ANKRD42: variants seen among roughly 807,000 people sequenced by gnomAD.
ANKRD42 encodes ankyrin repeat domain 42.
Under a neutral mutation model 51.5 loss-of-function variants are expected in ANKRD42, and 43 were observed. That is an observed-to-expected ratio of 0.83 (90% CI 0.65 to 1.08). ANKRD42 has a LOEUF of 1.08. ANKRD42 is among the 50% of genes least tolerant of loss of function. The pLI is 0.00. For missense variants in ANKRD42, 608 were observed against 629.3 expected (o/e 0.97, Z 0.36); for synonymous variants, 203 against 213.0 (o/e 0.95, Z 0.41).
intron 5 of ANKRD42, among the ~76,000 whole-genome samples, chr11:83,221,722 T>A (rs1431432100): frequency 6.6e-6 from 1 of 152,178 alleles, no homozygotes; most frequent in Non-Finnish European, 1.5e-5. Flanking sequence ...TGGGAATGCT[T>A]GCTAGCAGTT....
At chr11:83,210,101 T>C (rs1565180271) in intron 3 of ANKRD42, 199 bp from the exon 4 acceptor site, 7 of 480,354 alleles carry the variant, frequency 1.5e-5, no homozygotes, top group Non-Finnish European at 2.5e-5. Flanking sequence ...AGGAAGTTTT[T>C]GTAATCTAAA....
rs756024905 is a variant in ANKRD42 at position 83,224,853 on chromosome 11, A to G, written c.587-2A>G. The stretch of plus-strand genomic sequence containing the variant: ...AAATTAATTTTTTTTCCTTTCCTCT[A>G]GTTCACTTAGCAGCCATGGAAGGCC... On this transcript the variant is annotated splice_acceptor_variant, in intron 5 of 10. Transcript: ENST00000533342. LOFTEE classifies it high-confidence loss of function. 1.6e-5 allele frequency: 26 copies of G among 1,583,106 alleles called. No homozygotes were observed. The highest frequency in any genetic ancestry group is 2.1e-5 in the Non-Finnish European group (25 of 1,164,614).
intron 1 of ANKRD42, among the ~76,000 whole-genome samples, chr11:83,195,971 G>T (rs781669901): frequency 6.6e-6 from 1 of 151,196 alleles, no homozygotes; most frequent in South Asian, 2.1e-4. Context: ...TCAGCCTCCC[G>T]AGTAGCTAGG....
chr11:83,254,323 T>G (rs1356478847), intron 11 of ANKRD42, among the ~76,000 whole-genome samples: 6 of 152,072 alleles, frequency 3.9e-5, no homozygotes. Context: ...ATTGGCTACA[T>G]CTGACAAGTA....
intron 5 of ANKRD42, among the ~76,000 whole-genome samples, chr11:83,224,354 A>G (rs1415265328): frequency 2.6e-5 from 4 of 152,174 alleles, no homozygotes; most frequent in East Asian, 1.9e-4. Flanking sequence ...TATAAACTGC[A>G]TAATTGGGAT....
Position 83,194,683 on chromosome 11 carries a change from G to C in ANKRD42, c.13G>C (p.Ala5Pro). The C allele has an allele frequency of 1.2e-6, 2 of 1,613,240 alleles. No individual in the cohort carries two copies. The highest frequency in any genetic ancestry group is 1.7e-6 in the Non-Finnish European group (2 of 1,179,692). ...GAGGTGTTGCGCCATGCCCGGGGTGGCCAATTCAGGCCCCTCCACTTCCTC... is the reference window on the plus strand; with the variant it reads ...GAGGTGTTGCGCCATGCCCGGGGTGCCCAATTCAGGCCCCTCCACTTCCTC... MPGV[A>P]NSGPSTSSRE... Residue 5 changes from alanine to proline, a missense_variant, in exon 1 of 11, where the codon GCC becomes CCC. By Grantham distance (27) the Ala-to-Pro change is conservative. Transcript: ENST00000533342.
chr11:83,260,902 T>A (rs1042936638), downstream of ANKRD42: 2 of 152,206 alleles, frequency 1.3e-5, no homozygotes, highest in African/African-American at 4.8e-5. Flanking sequence ...GTTTGCTGAA[T>A]TGAAGTCATT....
intron 5 of ANKRD42, among the ~76,000 whole-genome samples, chr11:83,222,570 A>G (rs1232400335): frequency 6.6e-6 from 1 of 152,224 alleles, no homozygotes; most frequent in East Asian, 1.9e-4. Flanking sequence ...AAACATCTGA[A>G]GGAGCTGAGG....
At chr11:83,212,474 G>A (rs1862361397) in intron 5 of ANKRD42, among the ~76,000 whole-genome samples, 1 of 152,200 alleles carries the variant, frequency 6.6e-6, no homozygotes, top group African/African-American at 2.4e-5. Flanking sequence ...CTACAGTAAA[G>A]TGGCCAGTGG....
downstream of ANKRD42, among the ~76,000 whole-genome samples, chr11:83,263,908 C>T (rs1474533986): frequency 1.3e-5 from 2 of 152,104 alleles, no homozygotes; most frequent in Non-Finnish European, 2.9e-5. Context: ...CATCTTCAAC[C>T]CTGCTGGCAC....
intron 8 of ANKRD42, among the ~76,000 whole-genome samples, chr11:83,240,314 A>T (rs1863348099): frequency 6.6e-6 from 1 of 152,200 alleles, no homozygotes. Context: ...AAGGGTGAAG[A>T]TAGAGGGGGC....
chr11:83,213,800 T>C (rs1481985313), intron 5 of ANKRD42: 4 of 154,130 alleles, frequency 2.6e-5, no homozygotes, highest in African/African-American at 9.6e-5. Context: ...TTACGTTTAT[T>C]ACCAATATCT....
At chr11:83,253,679 T>C (rs1863712970), downstream of ANKRD42, among the ~76,000 whole-genome samples, 2 of 152,144 alleles carry the variant, frequency 1.3e-5, no homozygotes, top group African/African-American at 4.8e-5. Flanking sequence ...GGAGAAAACA[T>C]GTATTGGGGA....
intron 1 of ANKRD42, among the ~76,000 whole-genome samples, chr11:83,195,510 G>A (rs1861611298): frequency 1.3e-5 from 2 of 152,086 alleles, no homozygotes; most frequent in Non-Finnish European, 2.9e-5. Context: ...CATATATATA[G>A]ATATCTCCCT....
intron 2 of ANKRD42, among the ~76,000 whole-genome samples, chr11:83,201,505 T>C (rs1861871317): frequency 6.6e-6 from 1 of 152,214 alleles, no homozygotes; most frequent in Non-Finnish European, 1.5e-5. Context: ...TTTGGGCATA[T>C]ACCCAGTAAT....
intron 5 of ANKRD42, chr11:83,213,770 A>G (rs1790105468): frequency 6.2e-6 from 1 of 161,780 alleles, no homozygotes; most frequent in African/African-American, 2.4e-5. Context: ...TATATATTCT[A>G]GATACAAGCC....
chr11:83,229,086 C>G (rs182346944), intron 7 of ANKRD42, among the ~76,000 whole-genome samples: 125 of 151,986 alleles, frequency 8.2e-4, no homozygotes, highest in African/African-American at 2.4e-3. Context: ...GGCTAGAAGT[C>G]TGAGATGAAG....
downstream of ANKRD42, chr11:83,259,260 A>C (rs1863831024): frequency 6.6e-6 from 1 of 152,150 alleles, no homozygotes; most frequent in South Asian, 2.1e-4. Flanking sequence ...GGCATATAGA[A>C]ACACAATCCT....
chr11:83,252,089 A>C (rs1338422927), downstream of ANKRD42, among the ~76,000 whole-genome samples: 4 of 152,236 alleles, frequency 2.6e-5, no homozygotes, highest in African/African-American at 9.6e-5. Context: ...CCAGTAAAAA[A>C]ACTGGGCAAG....
Sources: gnomAD v4.1 joint callset for allele counts (sites outside exome capture counted in the v4.1 genomes callset) on GRCh38, gnomAD v4.1.1 for gene constraint, MANE v1.5 for transcripts, NCBI Gene and HGNC (gene_info 2026-07-23, HGNC 2026-07-21) for gene names.